The following CPEB3 variants were observed in gnomAD, a reference collection of about 807,000 sequenced individuals.
The protein encoded by CPEB3 is cytoplasmic polyadenylation element binding protein 3.
CPEB3 carries 20 observed loss-of-function variants against 67.2 expected under a neutral mutation model. That is an observed-to-expected ratio of 0.30 (90% CI 0.21 to 0.43). The LOEUF (loss-of-function observed/expected upper bound fraction) is 0.43, where lower values mean the gene tolerates loss of function less well. CPEB3 is among the 20% of genes least tolerant of loss of function. The pLI, the probability that CPEB3 is intolerant of heterozygous loss-of-function variation, is 1.00. For missense variants in CPEB3, 746 were observed against 968.6 expected (o/e 0.77, Z 3.05); for synonymous variants, 376 against 393.1 (o/e 0.96, Z 0.51).
At chr10:92,141,651 AAT>A (rs1204103937) in intron 6 of CPEB3, among the ~76,000 whole-genome samples, 2 of 151,420 alleles carry the variant, frequency 1.3e-5, no homozygotes, top group Non-Finnish European at 2.9e-5. Flanking sequence ...AAATAATAAT[AAT>A]AGTTATTGAA....
At chr10:92,223,348 A>G in intron 2 of CPEB3, among the ~76,000 whole-genome samples, 1 of 152,160 alleles carries the variant, frequency 6.6e-6, no homozygotes, top group Non-Finnish European at 1.5e-5. Context: ...AATATACCCA[A>G]CACATGGCTT....
At chr10:92,250,858 A>ATTTTTTTTTTTTTTTTTTTTT (rs1211646953) in intron 1 of CPEB3, among the ~76,000 whole-genome samples, 5 of 104,120 alleles carry the variant, frequency 4.8e-5, no homozygotes, top group African/African-American at 1.1e-4. Flanking sequence ...CACACAGTTA[A>ATTTTTTTTTTTTTTTTTTTTT]TTTTTTTTTT....
At chr10:92,168,693 G>A (rs1271191831) in intron 4 of CPEB3, among the ~76,000 whole-genome samples, 1 of 151,082 alleles carries the variant, frequency 6.6e-6, no homozygotes, top group Non-Finnish European at 1.5e-5. Flanking sequence ...CTGCTGTCAT[G>A]TGAAGAAGGA....
chr10:92,263,646 A>G (rs1852909383), intron 1 of CPEB3, among the ~76,000 whole-genome samples: 1 of 152,086 alleles, frequency 6.6e-6, no homozygotes, highest in Non-Finnish European at 1.5e-5. Flanking sequence ...ATGGAAGCAA[A>G]ATATACAGTG....
chr10:92,194,356 T>C (rs1191541510), intron 2 of CPEB3, among the ~76,000 whole-genome samples: 1 of 151,854 alleles, frequency 6.6e-6, no homozygotes, highest in African/African-American at 2.4e-5. Flanking sequence ...AGCGAATTGC[T>C]TGGACCCGGG....
intron 9 of CPEB3, among the ~76,000 whole-genome samples, chr10:92,052,685 A>G (rs1449664842): frequency 6.6e-6 from 1 of 152,224 alleles, no homozygotes; most frequent in African/African-American, 2.4e-5. Context: ...TGTATCTGTA[A>G]AATGGGTATG....
At chr10:92,231,711 ACTTTT>A (rs375839778) in intron 2 of CPEB3, among the ~76,000 whole-genome samples, 84 of 151,806 alleles carry the variant, frequency 5.5e-4, no homozygotes, top group Middle Eastern at 3.4e-3. Flanking sequence ...AGCTTAATCA[ACTTTT>A]CTTTTCTTTT....
intron 2 of CPEB3, among the ~76,000 whole-genome samples, chr10:92,209,293 T>A (rs1286661222): frequency 6.6e-6 from 1 of 152,200 alleles, no homozygotes; most frequent in Non-Finnish European, 1.5e-5. Flanking sequence ...GGGAGGCCGA[T>A]GCAGGCAGAT....
Position 92,239,796 on chromosome 10 carries a change from C to A in CPEB3, c.555G>T (p.Gln185His). 7.1e-7 allele frequency: 1 copy of A among 1,413,168 alleles called. No homozygotes were observed. The highest frequency in any genetic ancestry group is 1.6e-5 in the South Asian group (1 of 62,042). 87.5% of individuals were successfully genotyped at this position (1,413,168 alleles called of 1,614,324 possible). A position where few individuals can be genotyped will look rare whatever the true frequency, so the allele number is the denominator to read the frequency against. ...CGGGTGAGCGGCGCTGCTGCGGGGG[C>A]TGCGCCTGTGGTGGCTGCGCTGGCT... ...PAQPAQPPQA[Q>H]PPQQRRSPAS... The change falls in exon 2 of 10, where the codon CAG becomes CAT. Residue 185 changes from glutamine to histidine, a missense_variant. By Grantham distance (24) the Gln-to-His change is conservative. Around this residue, in one of 2 missense-constraint regions of CPEB3, gnomAD observed 643 missense variants for 717.5 expected, o/e 0.90. Coordinates refer to ENST00000265997, the MANE Select transcript of CPEB3 (RefSeq NM_014912.5). The surrounding 1 kb of genome is among the most constrained non-coding windows in gnomAD (Gnocchi z 6.0).
At chr10:92,053,438 A>G (rs1199439446) in intron 9 of CPEB3, among the ~76,000 whole-genome samples, 1 of 151,810 alleles carries the variant, frequency 6.6e-6, no homozygotes, top group Non-Finnish European at 1.5e-5. Context: ...ATCTCGGCTC[A>G]CTGCAAACTC....
At chr10:92,092,911 T>C (rs1380156967) in intron 7 of CPEB3, among the ~76,000 whole-genome samples, 1 of 152,164 alleles carries the variant, frequency 6.6e-6, no homozygotes, top group Admixed American at 6.5e-5. Context: ...CTTTATGGCA[T>C]ATTTCTATTT....
intron 1 of CPEB3, among the ~76,000 whole-genome samples, chr10:92,246,060 G>T (rs1852047725): frequency 6.7e-6 from 1 of 148,186 alleles, no homozygotes; most frequent in African/African-American, 2.5e-5. Context: ...AATAGGCCAG[G>T]CGCGGTGGCT....
chr10:92,134,584 C>T (rs1031379196), intron 6 of CPEB3, among the ~76,000 whole-genome samples: 2 of 151,950 alleles, frequency 1.3e-5, no homozygotes, highest in African/African-American at 2.4e-5. Flanking sequence ...AATGGCCATA[C>T]TGCCCAAGGT....
intron 1 of CPEB3, among the ~76,000 whole-genome samples, chr10:92,261,817 C>T (rs904122474): frequency 6.6e-6 from 1 of 152,128 alleles, no homozygotes; most frequent in African/African-American, 2.4e-5. Flanking sequence ...CTGTTGGGAT[C>T]CCCACCTTAA....
chr10:92,218,873 G>A (rs568445145), intron 2 of CPEB3, among the ~76,000 whole-genome samples: 2 of 151,968 alleles, frequency 1.3e-5, no homozygotes, highest in South Asian at 4.2e-4. Context: ...GGAGCGCAGT[G>A]GTATGATCAC....
intron 8 of CPEB3, among the ~76,000 whole-genome samples, chr10:92,082,117 T>C (rs1004496994): frequency 6.6e-6 from 1 of 152,210 alleles, no homozygotes; most frequent in African/African-American, 2.4e-5. Flanking sequence ...GTAATGATAA[T>C]AGCCACAATA....
intron 7 of CPEB3, among the ~76,000 whole-genome samples, chr10:92,101,701 G>C (rs1224284008): frequency 1.3e-5 from 2 of 152,196 alleles, no homozygotes; most frequent in Non-Finnish European, 2.9e-5. Context: ...GAGGTCAGGA[G>C]TTCGAGACCA....
intron 2 of CPEB3, among the ~76,000 whole-genome samples, chr10:92,229,710 A>G (rs1272562709): frequency 6.6e-6 from 1 of 152,232 alleles, no homozygotes; most frequent in East Asian, 1.9e-4. Flanking sequence ...TATTATGTAC[A>G]TACACCTGTG....
intron 4 of CPEB3, among the ~76,000 whole-genome samples, chr10:92,157,515 G>A (rs1159884971): frequency 6.6e-6 from 1 of 152,082 alleles, no homozygotes; most frequent in Non-Finnish European, 1.5e-5. Flanking sequence ...CCTATTTTGG[G>A]GACCCTCTTT....
Sources: allele counts gnomAD v4.1 joint callset (sites outside exome capture counted in the v4.1 genomes callset), GRCh38; gene constraint gnomAD v4.1.1; regional missense constraint gnomAD v4.1.1; non-coding constraint Gnocchi (gnomAD v3.1); transcripts MANE v1.5; gene names NCBI Gene and HGNC (gene_info 2026-07-23, HGNC 2026-07-21).